The following NIBAN3 variants were observed in gnomAD, a reference collection of about 807,000 sequenced individuals.
NIBAN3 encodes niban apoptosis regulator 3, also known as protein Niban 3.
NIBAN3 carries 66 observed loss-of-function variants against 76.4 expected under a neutral mutation model. That is an observed-to-expected ratio of 0.86 (90% CI 0.71 to 1.06). The LOEUF is 1.06. Among genes scored for constraint, NIBAN3 ranks in the 50% least tolerant of loss-of-function variants. NIBAN3 has a pLI of 0.00. For missense variants in NIBAN3, 808 were observed against 810.7 expected, an observed-to-expected ratio of 1.00 and a Z score of 0.04; for synonymous variants, 360 against 355.2, an observed-to-expected ratio of 1.01 and a Z score of -0.15.
At chr19:17,536,183 TTTC>T (rs2075822097) in intron 4 of NIBAN3, among the ~76,000 whole-genome samples, 1 of 152,126 alleles carries the variant, frequency 6.6e-6, no homozygotes, top group Non-Finnish European at 1.5e-5. Flanking sequence ...TTCCTTTTCT[TTTC>T]TTCTTCTTTT....
chr19:17,538,764 G>GGGAAA (rs1491200310), intron 5 of NIBAN3, among the ~76,000 whole-genome samples: 1 of 151,624 alleles, frequency 6.6e-6, no homozygotes, highest in African/African-American at 2.4e-5. Flanking sequence ...AAGAAAGAGA[G>GGGAAA]GGAGGGAGGG....
Position 17,539,760 on chromosome 19 carries a change from TGAG to T in NIBAN3, c.978_979+1del. 2 of 1,529,642 alleles carry T rather than the reference TGAG, an allele frequency of 1.3e-6. No homozygotes were observed. The highest frequency in any genetic ancestry group is 1.8e-6 in the Non-Finnish European group (2 of 1,140,422). The allele number at this position is 1,529,642 out of a possible 1,614,324, so 94.8% of individuals were successfully genotyped here. On this transcript the variant is annotated inframe_deletion and splice_region_variant, in exon 8 of 15. Transcript: ENST00000599164. ...CAGCGGGCGCGTGTGGCGGGGCGGC[TGAG>T]GAGTGAGGCCCTGGGGCGGAGCCTG...
At chr19:17,527,169 C>G (rs562989226), upstream of NIBAN3, 203 of 1,505,404 alleles carry the variant, frequency 1.3e-4, no homozygotes, top group Admixed American at 7.9e-4. Context: ...CTGGGCAACA[C>G]GGGCCCCAGG....
At chr19:17,531,248 A>C (rs905399046) in intron 2 of NIBAN3, among the ~76,000 whole-genome samples, 2 of 151,210 alleles carry the variant, frequency 1.3e-5, no homozygotes, top group African/African-American at 4.8e-5. Flanking sequence ...AATCGTTTGA[A>C]CCTGGGAGGT....
Position 17,530,887 on chromosome 19 carries a change from T to C in NIBAN3, c.186+2T>C. 1 of 1,612,384 alleles carries C rather than the reference T, an allele frequency of 6.2e-7. No individual in the cohort carries two copies. Among genetic ancestry groups the C allele is most frequent in the Non-Finnish European group, 8.5e-7 (1 of 1,179,446 alleles). On this transcript the variant is annotated splice_donor_variant, in intron 2 of 14. Coordinates refer to ENST00000599164, the MANE Select transcript of NIBAN3 (RefSeq NM_001321827.2). LOFTEE classifies it high-confidence loss of function. Reference sequence around the variant, plus strand: ...GGAAGCCAGTTGCTACGCAGCAAAGTGGGTGTTGTGGGGGCAGAGGACGTT... The same window carrying C: ...GGAAGCCAGTTGCTACGCAGCAAAGCGGGTGTTGTGGGGGCAGAGGACGTT...
At chr19:17,540,101 C>T in intron 8 of NIBAN3, 1 of 415,180 alleles carries the variant, frequency 2.4e-6, no homozygotes, top group Admixed American at 4.3e-5. Flanking sequence ...GGAGTTGAGG[C>T]CCAGAGCCGG....
chr19:17,537,744 G>C (rs1258344446), intron 5 of NIBAN3, among the ~76,000 whole-genome samples: 1 of 152,052 alleles, frequency 6.6e-6, no homozygotes, highest in Non-Finnish European at 1.5e-5. Context: ...TCAGGAGTTC[G>C]AGACCAGCCT....
Position 17,539,739 on chromosome 19 carries a change from G to T in NIBAN3, c.953G>T (p.Arg318Leu), listed in dbSNP as rs1321270482. The T allele has an allele frequency of 3.2e-6, 5 of 1,539,404 alleles. No homozygotes were observed. In the African/African-American group the frequency reaches 5.5e-5, roughly 17 times the overall value. The change falls in exon 8 of 15, where the codon CGG becomes CTG. Residue 318 changes from arginine to leucine, a missense_variant. Arg to Leu is a moderately radical substitution (Grantham distance 102). Transcript: ENST00000599164. ...GACGTGGACCAGCTGCTGCGGCAGC[G>T]GGCGCGTGTGGCGGGGCGGCTGAGG... is the stretch of plus-strand genomic sequence containing the variant. ...RPDVDQLLRQ[R>L]ARVAGRLRTD...
chr19:17,530,747 C>T lies in NIBAN3; in HGVS notation c.56-8C>T. On this transcript the variant is annotated splice_region_variant and splice_polypyrimidine_tract_variant and intron_variant, in intron 1 of 14. Transcript: ENST00000599164. ...TTTGCTGGGTTCACTGTCCCCTTGTCCCTGCAGGTCAGGTGGACACCCTGC... is the reference window on the plus strand; with the variant it reads ...TTTGCTGGGTTCACTGTCCCCTTGTTCCTGCAGGTCAGGTGGACACCCTGC... 4.4e-6 allele frequency: 7 copies of T among 1,602,168 alleles called. No homozygotes were observed. The highest frequency in any genetic ancestry group is 6.0e-6 in the Non-Finnish European group (7 of 1,172,206).
At position 17,539,044 on chromosome 19, in the gene NIBAN3, G is replaced by C; in HGVS notation, c.596-106G>C. ...CCTATGCAAAGTTCCAGAGATGGGT[G>C]AGACTTGGGTGTTGGGGACCTGGCC... On this transcript the variant is annotated intron_variant, in intron 5 of 14. Transcript: ENST00000599164. The C allele has an allele frequency of 5.5e-6, 5 of 903,330 alleles. No individual in the cohort carries two copies. In the South Asian group the frequency reaches 8.3e-5, roughly 15 times the overall value. 56.0% of individuals were successfully genotyped at this position (903,330 alleles called of 1,614,324 possible).
chr19:17,538,077 T>C (rs2075857468), intron 5 of NIBAN3, among the ~76,000 whole-genome samples: 1 of 150,840 alleles, frequency 6.6e-6, no homozygotes, highest in Non-Finnish European at 1.5e-5. Flanking sequence ...GGGATGGGGG[T>C]TAGAGCAGGC....
rs1260137861 is a variant in NIBAN3, at chr19:17,539,584, C to G, written c.817-19C>G. 1.3e-6 allele frequency: 2 copies of G among 1,523,288 alleles called. No individual in the cohort carries two copies. The highest frequency in any genetic ancestry group is 1.2e-5 in the South Asian group (1 of 80,870). 94.4% of individuals were successfully genotyped at this position (1,523,288 alleles called of 1,614,324 possible). On this transcript the variant is annotated intron_variant, in intron 7 of 14. Coordinates refer to ENST00000599164, the MANE Select transcript of NIBAN3 (RefSeq NM_001321827.2). ...CGCCCCGTGTCTCGGCTTTGTCCCC[C>G]CTCGACCGGTCTGGGCAGCTTCTAG...
Position 17,542,285 on chromosome 19 carries a change from T to C in NIBAN3, c.1320T>C (p.Leu440=), listed in dbSNP as rs756425693. 3.0e-5 allele frequency: 48 copies of C among 1,608,974 alleles called. No homozygotes were observed. The highest frequency in any genetic ancestry group is 2.7e-4 in the Admixed American group (16 of 59,310). The part of the protein sequence containing the change: ...MQSLVFGAQD[L]AQQLMADAVA... Reference sequence around the variant, plus strand: ...GCCTCGTGTTTGGGGCCCAAGATCTTGCACAGCAGGTGAGGGTGAGAGGAG... The same window carrying C: ...GCCTCGTGTTTGGGGCCCAAGATCTCGCACAGCAGGTGAGGGTGAGAGGAG... The change falls in exon 10 of 15, where the codon CTT becomes CTC. Residue 440 remains leucine, a synonymous_variant. Coordinates refer to ENST00000599164, the MANE Select transcript of NIBAN3 (RefSeq NM_001321827.2). The surrounding 1 kb of genome is among the most constrained non-coding windows in gnomAD (Gnocchi z 4.8).
At position 17,543,646 on chromosome 19, in the gene NIBAN3, A is replaced by G. The variant is rs763872765; in HGVS notation, c.1554+15A>G. On this transcript the variant is annotated intron_variant, in intron 12 of 14. Transcript: ENST00000599164. ...GCTGCAAAAAGGTGAGTTAATGGGAAGTGTGCAAGAGGGTCTGACAGCATC... is the reference window on the plus strand; with the variant it reads ...GCTGCAAAAAGGTGAGTTAATGGGAGGTGTGCAAGAGGGTCTGACAGCATC... The G allele has an allele frequency of 6.3e-7, 1 of 1,598,304 alleles. No homozygotes were observed. Among genetic ancestry groups the G allele is most frequent in the Non-Finnish European group, 8.6e-7 (1 of 1,168,772 alleles).
intron 1 of NIBAN3, among the ~76,000 whole-genome samples, chr19:17,528,337 T>C (rs1012765630): frequency 2.7e-5 from 4 of 150,610 alleles, no homozygotes; most frequent in Admixed American, 6.6e-5. Context: ...GGTGATCTGC[T>C]CACCTCAGCC....
Position 17,542,381 on chromosome 19 carries a change from GATGA to G in NIBAN3, c.1329+88_1329+91del. 7.1e-7 allele frequency: 1 copy of G among 1,404,068 alleles called. No homozygotes were observed. The highest frequency in any genetic ancestry group is 9.6e-7 in the Non-Finnish European group (1 of 1,039,924). 87.0% of individuals were successfully genotyped at this position (1,404,068 alleles called of 1,614,324 possible). A position where few individuals can be genotyped will look rare whatever the true frequency, so the allele number is the denominator to read the frequency against. ...GCTAAGTGTGCCCTGGAGAGACCAC[GATGA>G]TCGAGACAACTCCGCGGGGCTGCCA... On this transcript the variant is annotated intron_variant, in intron 10 of 14. Coordinates refer to ENST00000599164, the MANE Select transcript of NIBAN3 (RefSeq NM_001321827.2). The surrounding 1 kb of genome is among the most constrained non-coding windows in gnomAD (Gnocchi z 4.8).
At chr19:17,528,290 C>T (rs2075647039) in intron 1 of NIBAN3, among the ~76,000 whole-genome samples, 1 of 151,984 alleles carries the variant, frequency 6.6e-6, no homozygotes, top group Admixed American at 6.6e-5. Flanking sequence ...TGGGGTTTCA[C>T]CATTTTGGCC....
chr19:17,527,480 G>T, intron 1 of NIBAN3, 85 bp downstream of exon 1: 2 of 1,390,880 alleles, frequency 1.4e-6, no homozygotes, highest in South Asian at 1.5e-5. Context: ...TGCAGCAGAT[G>T]GGGTTCGGTT....
At chr19:17,553,652 A>G (rs913486946), downstream of NIBAN3, 1 of 1,141,626 alleles carries the variant, frequency 8.8e-7, no homozygotes, top group Admixed American at 1.9e-5. Flanking sequence ...AGGCTTCTTT[A>G]GCTGTCTTCC....
Sources: gnomAD v4.1 joint callset for allele counts (sites outside exome capture counted in the v4.1 genomes callset) on GRCh38, gnomAD v4.1.1 for gene constraint, Gnocchi (gnomAD v3.1) non-coding constraint, MANE v1.5 for transcripts, NCBI Gene and HGNC (gene_info 2026-07-23, HGNC 2026-07-21) for gene names.